SYTL2: variants seen among roughly 807,000 people sequenced by gnomAD.
The protein encoded by SYTL2 is synaptotagmin-like protein 2.
A neutral mutation model predicts 198.7 loss-of-function variants in SYTL2; 165 were observed. The ratio of observed to expected loss-of-function variants is 0.83; its 90% confidence interval spans 0.73 to 0.94. The LOEUF (loss-of-function observed/expected upper bound fraction) is 0.94. Among genes scored for constraint, SYTL2 ranks in the 40% least tolerant of loss-of-function variants. SYTL2 has a pLI of 0.00. For missense variants in SYTL2, 2,835 were observed against 2,582.8 expected (o/e 1.10, Z -2.12); for synonymous variants, 966 against 917.7 (o/e 1.05, Z -0.95).
chr11:85,802,499 T>C (rs2092905074), intron 1 of SYTL2, among the ~76,000 whole-genome samples: 1 of 152,186 alleles, frequency 6.6e-6, no homozygotes. Context: ...ACCTTCCTAC[T>C]TTCCCTGGCA....
chr11:85,724,544 A>G lies in SYTL2; in HGVS notation c.4814T>C (p.Leu1605Ser). ...CCTGTAAAAATGGGGCACTGTCCCCAAGAACCTGGTCTGCTCTGACTGTGA... is the reference window on the plus strand; with the variant it reads ...CCTGTAAAAATGGGGCACTGTCCCCGAGAACCTGGTCTGCTCTGACTGTGA... ...ESSQSEQTRF[L>S]GTVPHFYRAA... is the part of the protein sequence containing the mutation. Residue 1605 changes from leucine to serine, a missense_variant, in exon 8 of 20, where the codon TTG (leucine) becomes TCG (serine). Leu to Ser is a moderately radical substitution (Grantham distance 145, BLOSUM62 -2). This residue lies in a region of SYTL2 where 2,645 missense variants were observed against 2,381.7 expected (regional missense o/e 1.11). Transcript: ENST00000359152. The G allele has an allele frequency of 1.2e-6, 2 of 1,614,076 alleles. No homozygotes were observed. Among genetic ancestry groups the G allele is most frequent in the Non-Finnish European group, 1.7e-6 (2 of 1,180,014 alleles).
Position 85,726,392 on chromosome 11 carries a change from C to CA in SYTL2, c.2965dup (p.Trp989LeufsTer6). The CA allele has an allele frequency of 1.2e-6, 2 of 1,613,294 alleles. No homozygotes were observed. Among genetic ancestry groups the CA allele is most frequent in the Non-Finnish European group, 1.7e-6 (2 of 1,179,800 alleles). The stretch of plus-strand genomic sequence containing the variant: ...ACTGTTTGAATTAGCTTCTAAGTCC[C>CA]AAAACTTTCTCAAATTCTCAAACTG... On this transcript the variant is annotated frameshift_variant, in exon 8 of 20. Coordinates refer to ENST00000359152, the MANE Select transcript of SYTL2 (RefSeq NM_206927.4). LOFTEE classifies it high-confidence loss of function.
chr11:85,798,478 C>A (rs2092836736), intron 1 of SYTL2, among the ~76,000 whole-genome samples: 1 of 152,108 alleles, frequency 6.6e-6, no homozygotes, highest in African/African-American at 2.4e-5. Context: ...AAATAAAAAA[C>A]AATTGGCTTC....
chr11:85,726,787 C>A lies in SYTL2; in HGVS notation c.2571G>T (p.Val857=). 6.5e-7 allele frequency: 1 copy of A among 1,536,110 alleles called. No homozygotes were observed. Among genetic ancestry groups the A allele is most frequent in the Non-Finnish European group, 8.7e-7 (1 of 1,146,892 alleles). Residue 857 remains valine (V), a synonymous_variant, in exon 8 of 20, where the codon GTG becomes GTT. Transcript: ENST00000359152. The part of the protein sequence containing the change: ...SEYNQAIPKR[V]VLDEDDQASQ... ...ATGCTTGATCATCCTCATCTAAGAC[C>A]ACTCGTTTGGGAATGGCCTGATTAT...
chr11:85,773,383 G>C (rs2092394920), intron 1 of SYTL2, among the ~76,000 whole-genome samples: 3 of 152,190 alleles, frequency 2.0e-5, no homozygotes. Flanking sequence ...GGAACATGCA[G>C]CTCCTTTTGC....
intron 1 of SYTL2, among the ~76,000 whole-genome samples, chr11:85,781,179 C>T (rs1326483308): frequency 1.3e-5 from 2 of 152,154 alleles, no homozygotes; most frequent in African/African-American, 2.4e-5. Context: ...AGGAAACTTA[C>T]AATCATGACA....
intron 2 of SYTL2, among the ~76,000 whole-genome samples, chr11:85,756,416 C>T (rs942561397): frequency 6.6e-6 from 1 of 152,164 alleles, no homozygotes; most frequent in Non-Finnish European, 1.5e-5. Context: ...TTGCCAGGTC[C>T]TGGGATGGCC....
intron 1 of SYTL2, among the ~76,000 whole-genome samples, chr11:85,789,356 ATATATATATATATATATATATG>A (rs1175582585): frequency 1.1e-3 from 65 of 58,004 alleles, no homozygotes; most frequent in African/African-American, 3.1e-3. Context: ...ATATATATAT[ATATATATATATATATATATATG>A]TATATATATA....
chr11:85,727,992 A>C, intron 7 of SYTL2, 25 bp from the exon 8 acceptor site: 1 of 1,539,238 alleles, frequency 6.5e-7, no homozygotes, highest in South Asian at 1.2e-5. Context: ...TACTTTTCTA[A>C]ATAAGAAAAG....
chr11:85,839,604 T>A, the SYTL2 span, among the ~76,000 whole-genome samples: 1 of 152,244 alleles, frequency 6.6e-6, no homozygotes, highest in Non-Finnish European at 1.5e-5. Context: ...TCCATGTTGC[T>A]GCAAATGACT....
chr11:85,804,354 T>C (rs1034601701), intron 1 of SYTL2, among the ~76,000 whole-genome samples: 2 of 152,188 alleles, frequency 1.3e-5, no homozygotes, highest in African/African-American at 2.4e-5. Context: ...AGAATACAAG[T>C]AGGGTACAGA....
the SYTL2 span, among the ~76,000 whole-genome samples, chr11:85,823,962 G>C: frequency 6.6e-6 from 1 of 152,130 alleles, no homozygotes; most frequent in Non-Finnish European, 1.5e-5. Flanking sequence ...ACAATTCTGG[G>C]ACTTGCAAAG....
intron 9 of SYTL2, 82 bp downstream of exon 9, chr11:85,720,776 C>T: frequency 1.0e-6 from 1 of 959,192 alleles, no homozygotes; most frequent in Non-Finnish European, 1.7e-6. Context: ...TGCACAACAG[C>T]ACGCAGTGAG....
At chr11:85,719,129 G>A in intron 9 of SYTL2, 2 of 1,444,690 alleles carry the variant, frequency 1.4e-6, no homozygotes, top group Non-Finnish European at 1.8e-6. Flanking sequence ...CCAGCAGCAG[G>A]AGAAAGCACG....
At chr11:85,776,368 T>G (rs2092451350) in intron 1 of SYTL2, among the ~76,000 whole-genome samples, 1 of 152,196 alleles carries the variant, frequency 6.6e-6, no homozygotes, top group Non-Finnish European at 1.5e-5. Context: ...TCATCTACAT[T>G]AGGTATTTCT....
chr11:85,768,848 C>T (rs2153574696), intron 1 of SYTL2, among the ~76,000 whole-genome samples: 1 of 152,244 alleles, frequency 6.6e-6, no homozygotes, highest in East Asian at 1.9e-4. Flanking sequence ...ATCTTTCCAT[C>T]TTAGGCCTGG....
intron 1 of SYTL2, among the ~76,000 whole-genome samples, chr11:85,766,011 A>G (rs2092229270): frequency 6.6e-6 from 1 of 152,198 alleles, no homozygotes; most frequent in African/African-American, 2.4e-5. Context: ...ACCAAGTGTC[A>G]GGTAGGCCAC....
chr11:85,727,346 T>G lies in SYTL2; in HGVS notation c.2012A>C (p.Tyr671Ser), dbSNP rs769699195. The G allele has an allele frequency of 2.0e-6, 3 of 1,536,214 alleles. No individual in the cohort carries two copies. In the South Asian group the frequency reaches 3.6e-5, roughly 18 times the overall value. Residue 671 changes from tyrosine (Y) to serine (S), a missense_variant, in exon 8 of 20, where the codon TAC becomes TCC. Around this residue, in one of 3 missense-constraint regions of SYTL2, gnomAD observed 2,645 missense variants for 2,381.7 expected, o/e 1.11. Coordinates refer to ENST00000359152, the MANE Select transcript of SYTL2 (RefSeq NM_206927.4). ...GASPSNSNYSYSVLKESDAEN... is the reference protein window; with the variant it reads ...GASPSNSNYSSSVLKESDAEN... ...TGCATCAGATTCCTTGAGAACACTG[T>G]AGGAATAGTTACTATTTGAAGGAGA... is the stretch of plus-strand genomic sequence containing the variant.
At chr11:85,762,987 G>A (rs2092140309) in intron 1 of SYTL2, among the ~76,000 whole-genome samples, 2 of 152,078 alleles carry the variant, frequency 1.3e-5, no homozygotes, top group Non-Finnish European at 2.9e-5. Flanking sequence ...GAAGGGGATT[G>A]AGCTTCTATT....
Sources: allele counts gnomAD v4.1 joint callset (sites outside exome capture counted in the v4.1 genomes callset), GRCh38; gene constraint gnomAD v4.1.1; regional missense constraint gnomAD v4.1.1; transcripts MANE v1.5; gene names NCBI Gene and HGNC (gene_info 2026-07-23, HGNC 2026-07-21).